The following DDHD1 variants were observed in gnomAD, a reference collection of about 807,000 sequenced individuals.
DDHD1 encodes the protein phospholipase DDHD1.
Under a neutral mutation model 96.4 loss-of-function variants are expected in DDHD1, and 49 were observed. The ratio of observed to expected loss-of-function variants is 0.51; its 90% CI spans 0.40 to 0.64. The LOEUF (loss-of-function observed/expected upper bound fraction) is 0.64, where lower values mean the gene tolerates loss of function less well. DDHD1 is among the 30% of genes least tolerant of loss of function. DDHD1 has a pLI of 0.00. For missense variants in DDHD1, 1,106 were observed against 1,161.2 expected (o/e 0.95, Z 0.69); for synonymous variants, 442 against 446.5 (o/e 0.99, Z 0.13).
chr14:53,133,268 G>A (rs762461872), intron 1 of DDHD1, among the ~76,000 whole-genome samples: 1 of 152,188 alleles, frequency 6.6e-6, no homozygotes, highest in South Asian at 2.1e-4. Context: ...CTCGAGTCAG[G>A]AAACTATAAT....
intron 2 of DDHD1, among the ~76,000 whole-genome samples, chr14:53,098,489 C>T (rs1194740378): frequency 6.6e-6 from 1 of 151,208 alleles, no homozygotes; most frequent in Non-Finnish European, 1.5e-5. Flanking sequence ...AAATTCCAAC[C>T]CCAGGGAAGC....
chr14:53,103,689 T>G lies in DDHD1; in HGVS notation c.1006A>C (p.Lys336Gln). The G allele has an allele frequency of 1.2e-6, 2 of 1,609,510 alleles. No individual in the cohort carries two copies. Among genetic ancestry groups the G allele is most frequent in the Non-Finnish European group, 1.7e-6 (2 of 1,178,518 alleles). Residue 336 changes from lysine (K) to glutamine (Q), a missense_variant, in exon 2 of 13, where the codon AAA becomes CAA. By Grantham distance (53) the Lys-to-Gln change is moderately conservative. Around this residue, in one of 2 missense-constraint regions of DDHD1, gnomAD observed 650 missense variants for 758.8 expected, o/e 0.86. Coordinates refer to ENST00000673822, the MANE Select transcript of DDHD1 (RefSeq NM_001160148.2). ...DIEVSKSIDG[K>Q]DAVHSFKLSR... Reference sequence around the variant, plus strand: ...ATGTATCAATTGATCTTACCATCTTTTCCATCTATGGATTTTGACACTTCA... The same window carrying G: ...ATGTATCAATTGATCTTACCATCTTGTCCATCTATGGATTTTGACACTTCA...
chr14:53,093,587 C>T (rs2139681674), intron 2 of DDHD1, 143 bp from the exon 3 acceptor site: 1 of 1,110,512 alleles, frequency 9.0e-7, no homozygotes, highest in South Asian at 1.6e-5. Flanking sequence ...CACTATTTCA[C>T]ATAAAAAAAG....
rs536487588 is a variant in DDHD1, at chr14:53,042,822, T to C, written c.*3946A>G. The C allele has an allele frequency of 1.7e-4, 26 of 152,372 alleles. No homozygotes were observed. Among genetic ancestry groups the C allele is most frequent in the African/African-American group, 4.8e-4 (20 of 41,586 alleles). 9.4% of individuals were successfully genotyped at this position (152,372 alleles called of 1,614,324 possible). On this transcript the variant is annotated 3_prime_UTR_variant, in exon 13 of 13. Coordinates refer to ENST00000673822, the MANE Select transcript of DDHD1 (RefSeq NM_001160148.2). Reference sequence around the variant, plus strand: ...CAAAACTTAGTTTCTTTTTCTAGTATATGATTGCTACGTTCTTTTTTGCTC... The same window carrying C: ...CAAAACTTAGTTTCTTTTTCTAGTACATGATTGCTACGTTCTTTTTTGCTC...
At chr14:53,066,862 G>A (rs144593372) in intron 6 of DDHD1, among the ~76,000 whole-genome samples, 48 of 151,374 alleles carry the variant, frequency 3.2e-4, no homozygotes, top group African/African-American at 1.1e-3. Context: ...AGCTACTCAG[G>A]AGCCTAAGGC....
Position 53,084,806 on chromosome 14 carries a change from C to T in DDHD1, c.1289+6979G>A, listed in dbSNP as rs574897969. Reference sequence around the variant, plus strand: ...TGGGTGCAGCCCATGGAGGGCAAGCCGAAGCAGGGTGGGGCATTGCCTCAC... The same window carrying T: ...TGGGTGCAGCCCATGGAGGGCAAGCTGAAGCAGGGTGGGGCATTGCCTCAC... On this transcript the variant is annotated intron_variant, in intron 4 of 12. Transcript: ENST00000673822. 7.1e-3 allele frequency among the ~76,000 whole-genome samples: 1,080 copies of T among 152,222 alleles called. 12 individuals are homozygous for T. Among genetic ancestry groups the T allele is most frequent in the African/African-American group, 0.023 (956 of 41,530 alleles).
chr14:53,063,385 T>C (rs1883761029), intron 6 of DDHD1, among the ~76,000 whole-genome samples, 180 bp from the exon 7 acceptor site: 1 of 152,036 alleles, frequency 6.6e-6, no homozygotes, highest in Non-Finnish European at 1.5e-5. Flanking sequence ...TACATACTAT[T>C]ATAATCCATA....
intron 1 of DDHD1, among the ~76,000 whole-genome samples, chr14:53,150,846 T>C (rs975027908): frequency 2.0e-5 from 3 of 152,212 alleles, no homozygotes; most frequent in African/African-American, 7.2e-5. Flanking sequence ...ATGAAAGAAC[T>C]GAATGAATAT....
rs561112010 is a variant in DDHD1, at chr14:53,044,174, G to T, written c.*2594C>A. On this transcript the variant is annotated 3_prime_UTR_variant, in exon 13 of 13. Coordinates refer to ENST00000673822, the MANE Select transcript of DDHD1 (RefSeq NM_001160148.2). ...ATAGAAACAAGGATACTACAAAACCGAAATCACCATCTCTACTGATGAAAA... is the reference window on the plus strand; with the variant it reads ...ATAGAAACAAGGATACTACAAAACCTAAATCACCATCTCTACTGATGAAAA... The T allele has an allele frequency of 6.6e-6, 1 of 152,156 alleles. No individual in the cohort carries two copies. Among genetic ancestry groups the T allele is most frequent in the Non-Finnish European group, 1.5e-5 (1 of 67,994 alleles). The allele number at this position is 152,156 out of a possible 1,614,324, so 9.4% of individuals were successfully genotyped here.
chr14:53,112,284 G>A (rs1449661826), intron 1 of DDHD1, among the ~76,000 whole-genome samples: 1 of 152,102 alleles, frequency 6.6e-6, no homozygotes, highest in Non-Finnish European at 1.5e-5. Context: ...GGGCATGGTG[G>A]CACACTCCTG....
At chr14:53,127,032 T>C (rs1889498184) in intron 1 of DDHD1, among the ~76,000 whole-genome samples, 1 of 152,168 alleles carries the variant, frequency 6.6e-6, no homozygotes, top group Non-Finnish European at 1.5e-5. Context: ...AAGATTTGTG[T>C]AGTCAAAATT....
chr14:53,060,366 C>T (rs1247282363), intron 8 of DDHD1, among the ~76,000 whole-genome samples: 3 of 152,210 alleles, frequency 2.0e-5, no homozygotes, highest in Non-Finnish European at 4.4e-5. Context: ...CCCTGCAAAG[C>T]TTCCCAATGC....
At chr14:53,133,209 C>T (rs761146033) in intron 1 of DDHD1, among the ~76,000 whole-genome samples, 9 of 152,154 alleles carry the variant, frequency 5.9e-5, no homozygotes, top group Admixed American at 3.3e-4. Flanking sequence ...ACATCAAGCT[C>T]GGGGATTTGC....
At chr14:53,116,032 T>C (rs761121567) in intron 1 of DDHD1, among the ~76,000 whole-genome samples, 2 of 152,072 alleles carry the variant, frequency 1.3e-5, no homozygotes, top group Non-Finnish European at 2.9e-5. Context: ...TGGAGGAACA[T>C]TTACCAAGCA....
At chr14:53,151,598 G>A (rs1368571544) in intron 1 of DDHD1, among the ~76,000 whole-genome samples, 3 of 152,142 alleles carry the variant, frequency 2.0e-5, no homozygotes, top group Admixed American at 1.3e-4. Flanking sequence ...TACAAATGAG[G>A]AAGACGAGGC....
chr14:53,103,441 A>AC (rs1887461404), intron 2 of DDHD1: 1 of 409,788 alleles, frequency 2.4e-6, no homozygotes, highest in Non-Finnish European at 4.3e-6. Context: ...AACAATCTGT[A>AC]CATTTATAGT....
chr14:53,102,644 C>T (rs1426819862), intron 2 of DDHD1, among the ~76,000 whole-genome samples: 3 of 125,964 alleles, frequency 2.4e-5, no homozygotes, highest in African/African-American at 2.6e-5. Context: ...CAAATGTATA[C>T]ATATGTTCAG....
chr14:53,132,342 A>G (rs568003982), intron 1 of DDHD1, among the ~76,000 whole-genome samples: 1 of 152,222 alleles, frequency 6.6e-6, no homozygotes, highest in Non-Finnish European at 1.5e-5. Flanking sequence ...CCATGACTGC[A>G]TCTCTCTGAT....
Position 53,046,503 on chromosome 14 carries a change from C to G in DDHD1, c.*265G>C. ...TTGTAGCCTTTACATGCAGTTTACCCAAACCTTCTTCACATCCAGGTCTTG... is the reference window on the plus strand; with the variant it reads ...TTGTAGCCTTTACATGCAGTTTACCGAAACCTTCTTCACATCCAGGTCTTG... On this transcript the variant is annotated 3_prime_UTR_variant, in exon 13 of 13. Coordinates refer to ENST00000673822, the MANE Select transcript of DDHD1 (RefSeq NM_001160148.2). 4.0e-6 allele frequency: 1 copy of G among 250,246 alleles called. No homozygotes were observed. Among genetic ancestry groups the G allele is most frequent in the Admixed American group, 5.4e-5 (1 of 18,520 alleles). The allele number at this position is 250,246 out of a possible 1,614,324, so 15.5% of individuals were successfully genotyped here.
Sources: allele counts gnomAD v4.1 joint callset (sites outside exome capture counted in the v4.1 genomes callset), GRCh38; gene constraint gnomAD v4.1.1; regional missense constraint gnomAD v4.1.1; transcripts MANE v1.5; gene names NCBI Gene and HGNC (gene_info 2026-07-23, HGNC 2026-07-21).